The following TNXB variants were observed in gnomAD, a reference collection of about 807,000 sequenced individuals.
The protein encoded by TNXB is tenascin-X.
TNXB carries 183 observed loss-of-function variants against 340.5 expected under a neutral mutation model. That is an observed-to-expected ratio of 0.54 (90% CI 0.48 to 0.61). The LOEUF (loss-of-function observed/expected upper bound fraction) is 0.61, where lower values mean the gene tolerates loss of function less well. Ranked by LOEUF, TNXB falls within the 20% of genes least tolerant of loss-of-function variation. TNXB has a pLI of 0.00. For synonymous variants in TNXB, 2,121 were observed against 2,314.5 expected (o/e 0.92, Z 2.40); for missense variants, 4,613 against 5,446.4 (o/e 0.85, Z 4.82).
Position 32,096,285 on chromosome 6 carries a change from C to A in TNXB, c.1568G>T (p.Cys523Phe), listed in dbSNP as rs752125621. The change falls in exon 3 of 44, where the codon TGT becomes TTT. Residue 523 changes from cysteine to phenylalanine, a missense_variant. Coordinates refer to ENST00000644971, the MANE Select transcript of TNXB (RefSeq NM_001365276.2). The part of the protein sequence containing the change: ...VCNPGFTGED[C>F]GSRRCPGDCR... ...GTCCCCGGGACAGCGACGGCTCCCA[C>A]AGTCCTCACCGGTGAAGCCCGGGTT... 1.2e-5 allele frequency: 19 copies of A among 1,556,258 alleles called. No homozygotes were observed. Among genetic ancestry groups the A allele is most frequent in the Non-Finnish European group, 1.6e-5 (19 of 1,155,196 alleles).
Position 32,056,711 on chromosome 6 carries a change from C to T in TNXB, c.8018G>A (p.Arg2673Gln), listed in dbSNP as rs768698539. Residue 2673 changes from arginine (R) to glutamine (Q), a missense_variant, in exon 23 of 44, where the codon CGG (arginine) becomes CAG (glutamine). This residue lies in a region of TNXB where 4,327 missense variants were observed against 4,859.4 expected (regional missense o/e 0.89). Transcript: ENST00000644971. ...GACCCCGTCCTCGTGCCCCGGCACC[C>T]GCACCGCCTTGGGCTGCCCATCCCC... ...RNGDGQPKAVRVPGHEDGVTI... is the reference protein window; with the variant it reads ...RNGDGQPKAVQVPGHEDGVTI... The T allele has an allele frequency of 4.2e-5, 67 of 1,613,154 alleles. 1 individual carries two copies. Among genetic ancestry groups the T allele is most frequent in the African/African-American group, 2.8e-4 (21 of 75,032 alleles).
At position 32,073,589 on chromosome 6, in the gene TNXB, A is replaced by G. The variant is rs1582419214; in HGVS notation, c.4681+58T>C. The stretch of plus-strand genomic sequence containing the variant: ...CCAAGGCAGGGCTGGAAGAAGGGCC[A>G]TGGGGTGGGGGAGCTCTGGGTAACC... On this transcript the variant is annotated intron_variant, in intron 12 of 43. Transcript: ENST00000644971. The surrounding 1 kb of genome is among the most constrained non-coding windows in gnomAD (Gnocchi z 4.6). 6.6e-7 allele frequency: 1 copy of G among 1,503,904 alleles called. No homozygotes were observed. The highest frequency in any genetic ancestry group is 9.1e-7 in the Non-Finnish European group (1 of 1,104,384). 93.2% of individuals were successfully genotyped at this position (1,503,904 alleles called of 1,614,324 possible). A position where few individuals can be genotyped will look rare whatever the true frequency, so the allele number is the denominator to read the frequency against.
rs779793236 is a variant in TNXB, at chr6:32,096,448, C to A, written c.1405G>T (p.Asp469Tyr). 1.7e-5 allele frequency: 27 copies of A among 1,598,924 alleles called. No homozygotes were observed. The highest frequency in any genetic ancestry group is 2.3e-5 in the Non-Finnish European group (27 of 1,178,984). The change falls in exon 3 of 44, where the codon GAC (aspartate) becomes TAC (tyrosine). Residue 469 changes from aspartate to tyrosine, a missense_variant. Transcript: ENST00000644971. Reference sequence around the variant, plus strand: ...TCACAGCGGCCCCGGCCACGACAGTCCCCAGGACAGCTGCGCACACCGCAG... The same window carrying A: ...TCACAGCGGCCCCGGCCACGACAGTACCCAGGACAGCTGCGCACACCGCAG... ...EDCGVRSCPG[D>Y]CRGRGRCESG...
At chr6:32,104,670 T>C (rs1274333224) in intron 1 of TNXB, among the ~76,000 whole-genome samples, 1 of 152,114 alleles carries the variant, frequency 6.6e-6, no homozygotes, top group Non-Finnish European at 1.5e-5. Context: ...GGTCTCACTC[T>C]GTCACCTAGG....
intron 11 of TNXB, among the ~76,000 whole-genome samples, chr6:32,078,057 GAGAGACAGAAAGAA>G (rs1464090042): frequency 4.3e-5 from 6 of 139,272 alleles, no homozygotes. Flanking sequence ...AAGAGAGAGA[GAGAGACAGAAAGAA>G]AGAGAAAGAA....
chr6:32,096,551 G>C lies in TNXB; in HGVS notation c.1302C>G (p.Ala434=), dbSNP rs767040315. The C allele has an allele frequency of 4.9e-4, 763 of 1,561,304 alleles. No homozygotes were observed. The highest frequency in any genetic ancestry group is 5.3e-4 in the Non-Finnish European group (614 of 1,160,916). Residue 434 remains alanine, a synonymous_variant, in exon 3 of 44, where the codon GCC becomes GCG. Transcript: ENST00000644971. ...CGCGACCTCTACAGTCGCGTGGGCAGGCGCGCGAGCCGCAATCGGTTCCAG... is the reference window on the plus strand; with the variant it reads ...CGCGACCTCTACAGTCGCGTGGGCACGCGCGCGAGCCGCAATCGGTTCCAG... ...GYTGTDCGSR[A]CPRDCRGRGR... is the part of the protein sequence containing the mutation.
rs757465496 is a variant in TNXB, at chr6:32,079,229, G to A, written c.4179C>T (p.Thr1393=). 56 of 1,613,606 alleles carry A rather than the reference G, an allele frequency of 3.5e-5. No homozygotes were observed. The highest frequency in any genetic ancestry group is 4.2e-5 in the Non-Finnish European group (50 of 1,179,866). The change falls in exon 11 of 44, where the codon ACC becomes ACT. Residue 1393 remains threonine, a synonymous_variant. Coordinates refer to ENST00000644971, the MANE Select transcript of TNXB (RefSeq NM_001365276.2). This position sits in a 1 kb window ranked among gnomAD's most constrained non-coding sequence, Gnocchi z 7.1. ...AAGAGTCGAAGCTGCCCTGGGGGAC[G>A]GTCCAGAAGAGGCTCAGCGAATCAG... ...SSPDSLSLFW[T]VPQGSFDSFT...
rs1777994352 is a variant in TNXB at position 32,061,396 on chromosome 6, C to T, written c.7492+1G>A. 2.5e-6 allele frequency: 4 copies of T among 1,612,052 alleles called. No homozygotes were observed. The highest frequency in any genetic ancestry group is 3.4e-6 in the Non-Finnish European group (4 of 1,179,124). ...ACCCCGAGACTCCAAGCACTACTCA[C>T]CAGTCACGCCCACGGTGGACACCGG... On this transcript the variant is annotated splice_donor_variant, in intron 21 of 43. Coordinates refer to ENST00000644971, the MANE Select transcript of TNXB (RefSeq NM_001365276.2). LOFTEE classifies it high-confidence loss of function. This position sits in a 1 kb window ranked among gnomAD's most constrained non-coding sequence, Gnocchi z 4.4.
intron 6 of TNXB, 87 bp from the exon 7 acceptor site, chr6:32,086,205 C>T: frequency 1.2e-5 from 17 of 1,390,132 alleles, no homozygotes; most frequent in Non-Finnish European, 1.6e-5. Flanking sequence ...GCCCTCCAGC[C>T]TCTAAGAGCC....
chr6:32,105,894 A>G (rs1780953183), intron 1 of TNXB, among the ~76,000 whole-genome samples: 1 of 152,266 alleles, frequency 6.6e-6, no homozygotes, highest in African/African-American at 2.4e-5. Context: ...TCACATCAGT[A>G]GAATAAATAA....
intron 1 of TNXB, among the ~76,000 whole-genome samples, chr6:32,107,986 C>T (rs766215453): frequency 6.6e-6 from 1 of 152,052 alleles, no homozygotes; most frequent in Non-Finnish European, 1.5e-5. Flanking sequence ...GGGAGCTAAT[C>T]GGCCTGGGAA....
At position 32,082,341 on chromosome 6, in the gene TNXB, TAG is replaced by T; in HGVS notation, c.3446-17_3446-16del. On this transcript the variant is annotated splice_polypyrimidine_tract_variant and intron_variant, in intron 8 of 43. Transcript: ENST00000644971. The surrounding 1 kb of genome is among the most constrained non-coding windows in gnomAD (Gnocchi z 5.0). ...ACTCTGAGGCACTAGGAAGAGTGGG[TAG>T]AGAGAAGGGAGAGACTTAGGTCCAA... is the stretch of plus-strand genomic sequence containing the variant. 1.3e-6 allele frequency: 2 copies of T among 1,577,188 alleles called. No homozygotes were observed. Among genetic ancestry groups the T allele is most frequent in the Non-Finnish European group, 1.7e-6 (2 of 1,158,964 alleles).
Position 32,052,848 on chromosome 6 carries a change from G to A in TNXB, c.8937C>T (p.Phe2979=), listed in dbSNP as rs1264996067. Reference sequence around the variant, plus strand: ...CCTTGTACTGCACAGTGAAGGAGTCGAAGCGGCCCTGGGGGATGGTCCAGG... The same window carrying A: ...CCTTGTACTGCACAGTGAAGGAGTCAAAGCGGCCCTGGGGGATGGTCCAGG... ...SLSWTIPQGR[F]DSFTVQYKDR... The change falls in exon 26 of 44, where the codon TTC becomes TTT. Residue 2979 remains phenylalanine (F), a synonymous_variant. Coordinates refer to ENST00000644971, the MANE Select transcript of TNXB (RefSeq NM_001365276.2). This position sits in a 1 kb window ranked among gnomAD's most constrained non-coding sequence, Gnocchi z 4.7. 7 of 1,613,360 alleles carry A rather than the reference G, an allele frequency of 4.3e-6. No individual in the cohort carries two copies. Among genetic ancestry groups the A allele is most frequent in the African/African-American group, 1.3e-5 (1 of 74,914 alleles).
At chr6:32,095,443 C>T in intron 3 of TNXB, 168 bp downstream of exon 3, 3 of 844,592 alleles carry the variant, frequency 3.6e-6, no homozygotes, top group Non-Finnish European at 5.4e-6. Flanking sequence ...GAAGGCCAGT[C>T]CTGCCCACTG....
chr6:32,055,908 G>A lies in TNXB; in HGVS notation c.8410C>T (p.Leu2804=). The change falls in exon 24 of 44, where the codon CTG becomes TTG. Residue 2804 remains leucine (L), a synonymous_variant. Coordinates refer to ENST00000644971, the MANE Select transcript of TNXB (RefSeq NM_001365276.2). ...CGCCGCCCCTCGTGGAGGCCGTACA[G>A]GTGCATCTTGTATTTGCGCCCGGGC... ...LEPGRKYKMH[L]YGLHEGRRVG... The A allele has an allele frequency of 6.2e-7, 1 of 1,613,508 alleles. No homozygotes were observed. The highest frequency in any genetic ancestry group is 8.5e-7 in the Non-Finnish European group (1 of 1,179,874).
At position 32,052,847 on chromosome 6, in the gene TNXB, C is replaced by T. The variant is rs750418889; in HGVS notation, c.8938G>A (p.Asp2980Asn). 1.7e-5 allele frequency: 27 copies of T among 1,613,296 alleles called. No individual in the cohort carries two copies. The highest frequency in any genetic ancestry group is 1.7e-4 in the Middle Eastern group (1 of 5,998). ...TCCTTGTACTGCACAGTGAAGGAGT[C>T]GAAGCGGCCCTGGGGGATGGTCCAG... ...LSWTIPQGRF[D>N]SFTVQYKDRD... Residue 2980 changes from aspartate to asparagine, a missense_variant, in exon 26 of 44, where the codon GAC becomes AAC. Around this residue, in one of 7 missense-constraint regions of TNXB, gnomAD observed 4,327 missense variants for 4,859.4 expected, o/e 0.89. Transcript: ENST00000644971. This position sits in a 1 kb window ranked among gnomAD's most constrained non-coding sequence, Gnocchi z 4.7.
rs919451118 is a variant in TNXB, at chr6:32,061,815, T to C, written c.7169-95A>G. 1.3e-6 allele frequency: 2 copies of C among 1,489,154 alleles called. No homozygotes were observed. The highest frequency in any genetic ancestry group is 2.3e-5 in the East Asian group (1 of 43,702). 92.2% of individuals were successfully genotyped at this position (1,489,154 alleles called of 1,614,324 possible). ...GGGAGAAGGCTATGACTAGGGGACA[T>C]ATGAAATAGCCAAGGCTATGACTAG... is the stretch of plus-strand genomic sequence containing the variant. On this transcript the variant is annotated intron_variant, in intron 20 of 43. Coordinates refer to ENST00000644971, the MANE Select transcript of TNXB (RefSeq NM_001365276.2). This position sits in a 1 kb window ranked among gnomAD's most constrained non-coding sequence, Gnocchi z 4.4.
Position 32,047,749 on chromosome 6 carries a change from C to T in TNXB, c.10309G>A (p.Ala3437Thr), listed in dbSNP as rs775246566. The change falls in exon 30 of 44, where the codon GCT becomes ACT. Residue 3437 changes from alanine (A) to threonine (T), a missense_variant. Around this residue, in one of 7 missense-constraint regions of TNXB, gnomAD observed 4,327 missense variants for 4,859.4 expected, o/e 0.89. Coordinates refer to ENST00000644971, the MANE Select transcript of TNXB (RefSeq NM_001365276.2). This position sits in a 1 kb window ranked among gnomAD's most constrained non-coding sequence, Gnocchi z 6.2. ...TGGGACTCACCTGTGGTGCTGTCAG[C>T]AGAGATGGGGCCCAGTCGTTTCCTG... Reference protein sequence around the residue: ...SGRKRLGPISADSTTAPLEKE... With the variant: ...SGRKRLGPISTDSTTAPLEKE... The T allele has an allele frequency of 6.2e-7, 1 of 1,601,844 alleles. No individual in the cohort carries two copies. Among genetic ancestry groups the T allele is most frequent in the Admixed American group, 1.7e-5 (1 of 59,792 alleles).
At position 32,069,859 on chromosome 6, in the gene TNXB, C is replaced by T. The variant is rs1481595803; in HGVS notation, c.5281G>A (p.Ala1761Thr). ...GPLTADGTTE[A>T]RSAMDDTGTK... ...CCAGTATCATCCATAGCACTCCGGG[C>T]TTCTGAGATGGAGACACGGAGAGGA... The change falls in exon 15 of 44, where the codon GCC becomes ACC. Residue 1761 changes from alanine to threonine, a missense_variant and splice_region_variant. By Grantham distance (58) the Ala-to-Thr change is moderately conservative. Coordinates refer to ENST00000644971, the MANE Select transcript of TNXB (RefSeq NM_001365276.2). This position sits in a 1 kb window ranked among gnomAD's most constrained non-coding sequence, Gnocchi z 6.2. 6.3e-7 allele frequency: 1 copy of T among 1,584,110 alleles called. No homozygotes were observed. Among genetic ancestry groups the T allele is most frequent in the South Asian group, 1.1e-5 (1 of 88,698 alleles).
Sources: allele counts gnomAD v4.1 joint callset (sites outside exome capture counted in the v4.1 genomes callset), GRCh38; gene constraint gnomAD v4.1.1; regional missense constraint gnomAD v4.1.1; non-coding constraint Gnocchi (gnomAD v3.1); transcripts MANE v1.5; gene names NCBI Gene and HGNC (gene_info 2026-07-23, HGNC 2026-07-21).